Variants in ASRGL1 observed in about 807,000 individuals in gnomAD.
The protein encoded by ASRGL1 is asparaginase and isoaspartyl peptidase 1.
ASRGL1 carries 16 observed loss-of-function variants against 22.4 expected under a neutral mutation model. The observed-to-expected ratio is 0.71, with a 90% CI of 0.48 to 1.08. ASRGL1 has a LOEUF of 1.08. Among genes scored for constraint, ASRGL1 ranks in the 50% least tolerant of loss-of-function variants. The probability of loss-of-function intolerance (pLI) is 0.00; values close to 1 mark genes in which losing one functional copy is unlikely to be tolerated. For missense variants in ASRGL1, 412 were observed against 410.1 expected (o/e 1.00, Z -0.04); for synonymous variants, 165 against 159.3 (o/e 1.04, Z -0.27).
At chr11:62,362,855 T>G (rs1240612301) in intron 4 of ASRGL1, among the ~76,000 whole-genome samples, 1 of 66,308 alleles carries the variant, frequency 1.5e-5, no homozygotes, top group East Asian at 5.5e-4. Context: ...TCCATATAAA[T>G]ATATATATGT....
At position 62,363,594 on chromosome 11, in the gene ASRGL1, T is replaced by C. The variant is rs146989021; in HGVS notation, c.491+6450T>C. 7.9e-4 allele frequency among the ~76,000 whole-genome samples: 121 copies of C among 152,322 alleles called. 1 individual carries two copies. The East Asian group carries it at 0.021, about 26-fold the overall frequency. On this transcript the variant is annotated intron_variant, in intron 4 of 6. Transcript: ENST00000415229. ...AAAGACTATAAGTGATTGTGATTTATATGATCAAGTTAAAAATTTTAATGC... is the reference window on the plus strand; with the variant it reads ...AAAGACTATAAGTGATTGTGATTTACATGATCAAGTTAAAAATTTTAATGC...
Position 62,356,410 on chromosome 11 carries a change from G to T in ASRGL1, c.276G>T (p.Val92=), listed in dbSNP as rs1946297315. 3.1e-6 allele frequency: 5 copies of T among 1,614,088 alleles called. No individual in the cohort carries two copies. The African/African-American group carries it at 6.7e-5, about 22-fold the overall frequency. Residue 92 remains valine (V), a synonymous_variant, in exon 3 of 7, where the codon GTG becomes GTT. Transcript: ENST00000415229. ...GAAAAGACCTGTCTGCAGGAGCAGT[G>T]TCCGCAGTCCAGTGTATAGCAAATC... ...MDGKDLSAGA[V]SAVQCIANPI... is the part of the protein sequence containing the mutation.
chr11:62,371,810 C>T (rs376551697), intron 4 of ASRGL1: 2 of 484,872 alleles, frequency 4.1e-6, no homozygotes, highest in Non-Finnish European at 7.5e-6. Flanking sequence ...AAAAATTAGC[C>T]GGGCGTGGTG....
At chr11:62,378,143 TTAA>T (rs1245710324) in intron 4 of ASRGL1, among the ~76,000 whole-genome samples, 3 of 152,164 alleles carry the variant, frequency 2.0e-5, no homozygotes, top group African/African-American at 4.8e-5. Flanking sequence ...TGAAAGTCAT[TTAA>T]TGTTTTTAAT....
intron 4 of ASRGL1, among the ~76,000 whole-genome samples, chr11:62,358,118 C>G (rs1946346340): frequency 6.6e-6 from 1 of 152,180 alleles, no homozygotes; most frequent in African/African-American, 2.4e-5. Flanking sequence ...CCTGTAATCC[C>G]AGCACTTTGG....
At chr11:62,341,172 T>C (rs1945853477) in intron 2 of ASRGL1, among the ~76,000 whole-genome samples, 1 of 152,072 alleles carries the variant, frequency 6.6e-6, no homozygotes, top group Non-Finnish European at 1.5e-5. Flanking sequence ...TTACAAGCTA[T>C]TAGAGAATCT....
chr11:62,385,451 C>T (rs1279790901), intron 4 of ASRGL1, among the ~76,000 whole-genome samples: 3 of 152,162 alleles, frequency 2.0e-5, no homozygotes, highest in Non-Finnish European at 4.4e-5. Flanking sequence ...GAACTACAGG[C>T]ACAAGCCACT....
At chr11:62,393,948 A>G (rs539255781), downstream of ASRGL1, among the ~76,000 whole-genome samples, 56 of 150,236 alleles carry the variant, frequency 3.7e-4, no homozygotes, top group African/African-American at 1.4e-3. Flanking sequence ...CAGCCCTGCC[A>G]TCTGTCTCTA....
chr11:62,362,870 A>G (rs1946513227), intron 4 of ASRGL1, among the ~76,000 whole-genome samples: 1 of 101,586 alleles, frequency 9.8e-6, no homozygotes, highest in Non-Finnish European at 1.9e-5. Context: ...ATATGTGGCT[A>G]CTTCACCTTT....
intron 2 of ASRGL1, among the ~76,000 whole-genome samples, chr11:62,341,419 T>TCACA (rs1945859958): frequency 6.6e-6 from 1 of 152,160 alleles, no homozygotes; most frequent in East Asian, 1.9e-4. Context: ...AGGATGGTCT[T>TCACA]GGATCTCCTG....
At chr11:62,338,196 T>C (rs939565928) in intron 2 of ASRGL1, 29 bp downstream of exon 2, 6 of 1,510,756 alleles carry the variant, frequency 4.0e-6, no homozygotes, top group Non-Finnish European at 5.3e-6. Flanking sequence ...TAGTAAATAA[T>C]GTGAGTCAGG....
chr11:62,361,130 G>A (rs1196213579), intron 4 of ASRGL1, among the ~76,000 whole-genome samples: 2 of 152,146 alleles, frequency 1.3e-5, no homozygotes, highest in African/African-American at 2.4e-5. Context: ...GGAGAATAAA[G>A]TGAGACATGA....
chr11:62,372,274 C>T (rs1328085337), intron 4 of ASRGL1: 2 of 1,600,624 alleles, frequency 1.2e-6, no homozygotes, highest in African/African-American at 2.7e-5. Context: ...GAAACGGGCT[C>T]CGTGTTTGCG....
At chr11:62,380,033 A>G (rs1017561072) in intron 4 of ASRGL1, among the ~76,000 whole-genome samples, 1 of 152,050 alleles carries the variant, frequency 6.6e-6, no homozygotes, top group Non-Finnish European at 1.5e-5. Context: ...AGGCTGGGCA[A>G]TTCTTTTTTA....
chr11:62,337,624 A>C (rs1945752925), intron 1 of ASRGL1, 50 bp downstream of exon 1: 2 of 181,718 alleles, frequency 1.1e-5, no homozygotes, highest in African/African-American at 2.4e-5. Context: ...GGGAGGGCGA[A>C]TGAAATAAAC....
At chr11:62,365,078 A>AG (rs1946577579) in intron 4 of ASRGL1, among the ~76,000 whole-genome samples, 1 of 151,892 alleles carries the variant, frequency 6.6e-6, no homozygotes, top group Admixed American at 6.6e-5. Flanking sequence ...AAAAAAAAAA[A>AG]AAAAGAAAGA....
In ASRGL1 at chr11:62,357,066, A is replaced by G; in HGVS notation, c.413A>G (p.Lys138Arg). ...GGGGTTCCAGAGATTCCTGGAGAAA[A>G]ACTGGTGACAGAGAGAAACAAAAAG... is the stretch of plus-strand genomic sequence containing the variant. ...AMGVPEIPGE[K>R]LVTERNKKRL... Residue 138 changes from lysine to arginine, a missense_variant, in exon 4 of 7, where the codon AAA becomes AGA. By Grantham distance (26) the Lys-to-Arg change is conservative. Transcript: ENST00000415229. 6.2e-7 allele frequency: 1 copy of G among 1,614,190 alleles called. No individual in the cohort carries two copies. Among genetic ancestry groups the G allele is most frequent in the Non-Finnish European group, 8.5e-7 (1 of 1,180,042 alleles).
At chr11:62,371,953 C>CAAAA (rs35892721) in intron 4 of ASRGL1, 451 of 422,174 alleles carry the variant, frequency 1.1e-3, no homozygotes, top group South Asian at 1.9e-3. Context: ...GACTCCGTCT[C>CAAAA]AAAAAAAAAA....
chr11:62,357,709 A>G (rs1946337886), intron 4 of ASRGL1, among the ~76,000 whole-genome samples: 1 of 152,170 alleles, frequency 6.6e-6, no homozygotes, highest in African/African-American at 2.4e-5. Flanking sequence ...GTTTAGAGAA[A>G]TCAGCACAAC....
Sources: gnomAD v4.1 joint callset for allele counts (sites outside exome capture counted in the v4.1 genomes callset) on GRCh38, gnomAD v4.1.1 for gene constraint, MANE v1.5 for transcripts, NCBI Gene and HGNC (gene_info 2026-07-23, HGNC 2026-07-21) for gene names.